CHFR: variants seen among roughly 807,000 people sequenced by gnomAD.
CHFR encodes checkpoint with forkhead and ring finger domains.
In CHFR, 57 loss-of-function variants were observed where a neutral mutation model predicts 87.6. That is an observed-to-expected ratio of 0.65 (90% CI 0.53 to 0.81). CHFR has a LOEUF of 0.81. CHFR is among the 30% of genes least tolerant of loss of function. CHFR has a pLI of 0.00. For missense variants in CHFR, 797 were observed against 865.8 expected, an observed-to-expected ratio of 0.92 and a Z score of 1.00; for synonymous variants, 381 against 359.2, an observed-to-expected ratio of 1.06 and a Z score of -0.69.
At chr12:132,851,763 A>C (rs867423765) in intron 11 of CHFR, 26 bp from the exon 12 acceptor site, 1 of 1,597,542 alleles carries the variant, frequency 6.3e-7, no homozygotes. Context: ...ATTCAGCCGG[A>C]GCACGTGGGA....
intron 3 of CHFR, among the ~76,000 whole-genome samples, chr12:132,872,990 T>C (rs1951526135): frequency 6.6e-6 from 1 of 152,236 alleles, no homozygotes; most frequent in East Asian, 1.9e-4. Context: ...GGAGGCTAAG[T>C]TGATGGGGCA....
rs1043532053 is a variant in CHFR, at chr12:132,848,069, C to T, written c.1647+16G>A. 3.7e-6 allele frequency: 6 copies of T among 1,613,954 alleles called. No individual in the cohort carries two copies. Among genetic ancestry groups the T allele is most frequent in the Non-Finnish European group, 4.2e-6 (5 of 1,180,000 alleles). The stretch of plus-strand genomic sequence containing the variant: ...AAATGTGGCTCCCGGCTCCCCAGCC[C>T]GCAGCGAGTCGGTACCTTCAGGATG... On this transcript the variant is annotated intron_variant, in intron 14 of 17. Transcript: ENST00000450056.
intron 2 of CHFR, among the ~76,000 whole-genome samples, chr12:132,880,855 C>A (rs1285009469): frequency 1.3e-5 from 2 of 151,900 alleles, no homozygotes; most frequent in East Asian, 3.9e-4. Context: ...ATCCCAGCTA[C>A]ACGGGAGGCT....
chr12:132,836,436 C>A lies in CHFR; in HGVS notation c.*5118G>T, dbSNP rs373750424. ...CCCTCACAGTGACAGGCTCCCAGCA[C>A]GGCGCACGGCACTCACAGTGACAGG... On this transcript the variant is annotated 3_prime_UTR_variant, in exon 18 of 18. Transcript: ENST00000450056. The A allele has an allele frequency of 3.5e-6, 1 of 283,646 alleles. No homozygotes were observed. The highest frequency in any genetic ancestry group is 5.3e-5 in the Admixed American group (1 of 18,810). The allele number at this position is 283,646 out of a possible 1,614,324, so 17.6% of individuals were successfully genotyped here.
Position 132,861,617 on chromosome 12 carries a change from T to C in CHFR, c.601A>G (p.Ile201Val), listed in dbSNP as rs138637226. The change falls in exon 7 of 18, where the codon ATC becomes GTC. Residue 201 changes from isoleucine to valine, a missense_variant. This residue lies in a region of CHFR where 597 missense variants were observed against 601.2 expected (regional missense o/e 0.99). Coordinates refer to ENST00000450056, the MANE Select transcript of CHFR (RefSeq NM_001161346.2). ...SSSCGSGGGG[I>V]SPKGSGPSVA... ...GAGGGACCACTTCCTTTAGGGGAGA[T>C]GCCACCACCCCCAGACCCTGTGAGA... 16 of 1,614,102 alleles carry C rather than the reference T, an allele frequency of 9.9e-6. No individual in the cohort carries two copies. The African/African-American group carries it at 2.0e-4, about 20-fold the overall frequency.
At chr12:132,873,795 G>A (rs114252669) in intron 3 of CHFR, among the ~76,000 whole-genome samples, 5,295 of 152,300 alleles carry the variant, frequency 0.035, 307 homozygotes, top group African/African-American at 0.12. Flanking sequence ...CCCAGATGCC[G>A]AGGGGCGACT....
At chr12:132,885,857 C>T (rs1951880112) in intron 2 of CHFR, among the ~76,000 whole-genome samples, 1 of 152,212 alleles carries the variant, frequency 6.6e-6, no homozygotes, top group South Asian at 2.1e-4. Context: ...TTCACCAAAC[C>T]TCCTAGTCTA....
intron 6 of CHFR, chr12:132,867,553 C>T (rs1233863317): frequency 6.6e-6 from 1 of 152,250 alleles, no homozygotes; most frequent in African/African-American, 2.4e-5. Flanking sequence ...TGAGCAAAAA[C>T]AGCAGCGTGG....
intron 6 of CHFR, chr12:132,867,619 G>GGACTTTTTA (rs1223073501): frequency 6.6e-6 from 1 of 152,168 alleles, no homozygotes; most frequent in African/African-American, 2.4e-5. Context: ...GGGCATTTCT[G>GGACTTTTTA]GACTTTTTAT....
At chr12:132,870,687 T>C (rs772594296) in intron 5 of CHFR, 37 bp downstream of exon 5, 174 of 1,448,922 alleles carry the variant, frequency 1.2e-4, no homozygotes, top group Non-Finnish European at 1.7e-4. Flanking sequence ...CTATAGCTCC[T>C]AACATGCACC....
chr12:132,865,709 G>T (rs1169784812), intron 6 of CHFR: 1 of 140,610 alleles, frequency 7.1e-6, no homozygotes, highest in African/African-American at 2.7e-5. Context: ...GCCAAGGCTG[G>T]AGTGCAGTGG....
intron 10 of CHFR, among the ~76,000 whole-genome samples, chr12:132,855,544 G>C (rs188442512): frequency 6.6e-6 from 1 of 152,138 alleles, no homozygotes; most frequent in African/African-American, 2.4e-5. Context: ...GCATGCGCCT[G>C]TAGTCCCAGC....
intron 17 of CHFR, among the ~76,000 whole-genome samples, chr12:132,842,108 CAAAAAAAAA>C (rs35177584): frequency 9.7e-6 from 1 of 103,348 alleles, no homozygotes; most frequent in African/African-American, 3.6e-5. Context: ...GACTCCATCT[CAAAAAAAAA>C]AAAAAAAAAA....
chr12:132,844,443 C>G (rs1400901384), intron 15 of CHFR, among the ~76,000 whole-genome samples: 3 of 144,334 alleles, frequency 2.1e-5, no homozygotes, highest in African/African-American at 7.3e-5. Flanking sequence ...CGCCACCACA[C>G]CGGGCTAATT....
intron 2 of CHFR, among the ~76,000 whole-genome samples, chr12:132,880,314 A>G (rs1951736998): frequency 6.6e-6 from 1 of 152,168 alleles, no homozygotes; most frequent in African/African-American, 2.4e-5. Context: ...ATAGGATATA[A>G]AAAGCACAAA....
chr12:132,877,079 G>A (rs1373755484), intron 3 of CHFR, among the ~76,000 whole-genome samples: 1 of 152,180 alleles, frequency 6.6e-6, no homozygotes, highest in Non-Finnish European at 1.5e-5. Context: ...ACAGGTGTGA[G>A]CCACCGCGCC....
At chr12:132,882,122 C>T (rs1311537809) in intron 2 of CHFR, among the ~76,000 whole-genome samples, 2 of 152,164 alleles carry the variant, frequency 1.3e-5, no homozygotes, top group Non-Finnish European at 2.9e-5. Context: ...TTATTTCTTA[C>T]AAAAACAGGA....
chr12:132,864,520 G>C (rs997324922), intron 6 of CHFR, among the ~76,000 whole-genome samples: 2 of 152,098 alleles, frequency 1.3e-5, no homozygotes, highest in African/African-American at 2.4e-5. Flanking sequence ...ACAGAGTCTT[G>C]TGCTGTCACC....
At chr12:132,862,027 C>T (rs961181753) in intron 6 of CHFR, 6 of 207,172 alleles carry the variant, frequency 2.9e-5, no homozygotes, top group South Asian at 7.2e-5. Flanking sequence ...AATCCCAGCA[C>T]GTTGGGAGGC....
Sources: allele counts gnomAD v4.1 joint callset (sites outside exome capture counted in the v4.1 genomes callset), GRCh38; gene constraint gnomAD v4.1.1; regional missense constraint gnomAD v4.1.1; transcripts MANE v1.5; gene names NCBI Gene and HGNC (gene_info 2026-07-23, HGNC 2026-07-21).